The following PXDNL variants were observed in gnomAD, a reference collection of about 807,000 sequenced individuals.
PXDNL encodes peroxidasin like, also known as probable oxidoreductase PXDNL.
A neutral mutation model predicts 150.8 loss-of-function variants in PXDNL; 145 were observed. That is an observed-to-expected ratio of 0.96 (90% CI 0.84 to 1.10). The LOEUF (loss-of-function observed/expected upper bound fraction) is 1.10, where lower values mean the gene tolerates loss of function less well. PXDNL is among the 50% of genes least tolerant of loss of function. The pLI is 0.00. For synonymous variants in PXDNL, 757 were observed against 725.7 expected, an observed-to-expected ratio of 1.04 and a Z score of -0.69; for missense variants, 2,087 against 1,873.9, an observed-to-expected ratio of 1.11 and a Z score of -2.10.
intron 2 of PXDNL, among the ~76,000 whole-genome samples, chr8:51,627,971 A>G (rs1418362232): frequency 1.3e-5 from 2 of 152,230 alleles, no homozygotes; most frequent in African/African-American, 2.4e-5. Context: ...GCCATTCCTC[A>G]AAACCATTCT....
At chr8:51,386,813 G>C (rs1212889186) in intron 17 of PXDNL, among the ~76,000 whole-genome samples, 4 of 147,628 alleles carry the variant, frequency 2.7e-5, no homozygotes. Flanking sequence ...GACAGAGCAA[G>C]ACTTCATCTT....
At chr8:51,395,584 G>A (rs1232947698) in intron 17 of PXDNL, among the ~76,000 whole-genome samples, 1 of 152,088 alleles carries the variant, frequency 6.6e-6, no homozygotes, top group Non-Finnish European at 1.5e-5. Context: ...AGTATATATT[G>A]AATTGAAAAA....
intron 17 of PXDNL, among the ~76,000 whole-genome samples, chr8:51,405,283 C>T (rs1490703562): frequency 6.6e-6 from 1 of 152,178 alleles, no homozygotes; most frequent in African/African-American, 2.4e-5. Context: ...GTACCGAGGC[C>T]GAGGAGGTGC....
intron 1 of PXDNL, among the ~76,000 whole-genome samples, chr8:51,780,297 A>G (rs981371480): frequency 3.3e-5 from 5 of 152,202 alleles, no homozygotes; most frequent in Non-Finnish European, 5.9e-5. Flanking sequence ...TGCATGCACA[A>G]TAAAGTTTGA....
chr8:51,399,952 G>C (rs1563392487), intron 17 of PXDNL, among the ~76,000 whole-genome samples: 1 of 152,144 alleles, frequency 6.6e-6, no homozygotes, highest in Non-Finnish European at 1.5e-5. Flanking sequence ...GTTAGATTTT[G>C]ATAATATAAT....
intron 12 of PXDNL, among the ~76,000 whole-genome samples, chr8:51,428,599 A>C (rs988845733): frequency 6.6e-6 from 1 of 152,232 alleles, no homozygotes; most frequent in African/African-American, 2.4e-5. Context: ...ATGAAAGAGC[A>C]GAAGCAGTTC....
chr8:51,635,252 C>T (rs1287694993), intron 2 of PXDNL, among the ~76,000 whole-genome samples: 1 of 152,076 alleles, frequency 6.6e-6, no homozygotes, highest in African/African-American at 2.4e-5. Flanking sequence ...AAATTTATAA[C>T]TGTAAAGGCC....
chr8:51,734,204 T>G (rs1033011398), intron 1 of PXDNL, among the ~76,000 whole-genome samples: 2 of 152,318 alleles, frequency 1.3e-5, no homozygotes, highest in African/African-American at 4.8e-5. Context: ...AGCTCCAAAA[T>G]TTTTTATTTT....
At chr8:51,554,093 G>C (rs987971467) in intron 4 of PXDNL, among the ~76,000 whole-genome samples, 3 of 152,110 alleles carry the variant, frequency 2.0e-5, no homozygotes, top group African/African-American at 7.2e-5. Flanking sequence ...TTACCAATAA[G>C]TTTAAAGACT....
chr8:51,712,153 G>A (rs1268296167), intron 1 of PXDNL, among the ~76,000 whole-genome samples: 1 of 152,184 alleles, frequency 6.6e-6, no homozygotes, highest in Non-Finnish European at 1.5e-5. Context: ...TCTGGGTGTG[G>A]TAACATGGTA....
At chr8:51,322,695 C>T (rs1428081826) in intron 21 of PXDNL, among the ~76,000 whole-genome samples, 1 of 152,014 alleles carries the variant, frequency 6.6e-6, no homozygotes, top group Non-Finnish European at 1.5e-5. Context: ...AAGAGGAGAA[C>T]CCAAAAAATC....
chr8:51,436,178 C>A, intron 12 of PXDNL: 1 of 520,220 alleles, frequency 1.9e-6, no homozygotes, highest in South Asian at 1.4e-5. Flanking sequence ...TTTAGTACAC[C>A]GTGGTATCAT....
At chr8:51,482,536 G>T (rs1189009392) in intron 6 of PXDNL, among the ~76,000 whole-genome samples, 1 of 151,860 alleles carries the variant, frequency 6.6e-6, no homozygotes, top group Non-Finnish European at 1.5e-5. Flanking sequence ...AGATTTGGGA[G>T]GGGCCAGGGG....
Position 51,372,015 on chromosome 8 carries a change from C to T in PXDNL, c.3759G>A (p.Leu1253=). ...AQLTQLKQAS[L]SRVLCDNGDS... ...CACCATTGTCACAAAGCACCCGGCT[C>T]AGGGACGCCTGCTTCAGCTGAGTGA... The change falls in exon 19 of 23, where the codon CTG becomes CTA. Residue 1253 remains leucine (L), a synonymous_variant. Transcript: ENST00000356297. The T allele has an allele frequency of 6.2e-7, 1 of 1,612,534 alleles. No individual in the cohort carries two copies. Among genetic ancestry groups the T allele is most frequent in the Non-Finnish European group, 8.5e-7 (1 of 1,179,270 alleles).
rs1806150844 is a variant in PXDNL, at chr8:51,346,148, T to C, written c.3902-201A>G. On this transcript the variant is annotated intron_variant, in intron 19 of 22. Transcript: ENST00000356297. ...ATACCTGCTTTTGCATGTCACTGAA[T>C]CTCTGTTTTGCAGCAGCAAGTGGGA... 2.0e-5 allele frequency among the ~76,000 whole-genome samples: 3 copies of C among 152,332 alleles called. No homozygotes were observed. In the South Asian group the frequency reaches 6.2e-4, roughly 32 times the overall value.
chr8:51,595,642 C>A (rs1283171400), intron 2 of PXDNL, among the ~76,000 whole-genome samples: 2 of 151,988 alleles, frequency 1.3e-5, no homozygotes, highest in African/African-American at 4.8e-5. Flanking sequence ...CTGTGCGTAC[C>A]AAAGTAAACA....
intron 2 of PXDNL, among the ~76,000 whole-genome samples, chr8:51,653,510 G>GCATGTC (rs1815083698): frequency 6.6e-6 from 1 of 152,160 alleles, no homozygotes; most frequent in Admixed American, 6.5e-5. Flanking sequence ...CTAGGAATTT[G>GCATGTC]CATGTCCACA....
intron 1 of PXDNL, among the ~76,000 whole-genome samples, chr8:51,698,073 G>A (rs1457428994): frequency 6.6e-6 from 1 of 152,196 alleles, no homozygotes; most frequent in Non-Finnish European, 1.5e-5. Flanking sequence ...TTTTGCTGGT[G>A]GAGAGTTTTG....
intron 3 of PXDNL, among the ~76,000 whole-genome samples, chr8:51,572,880 T>C (rs1273097961): frequency 1.3e-5 from 2 of 151,922 alleles, no homozygotes; most frequent in East Asian, 3.9e-4. Context: ...CTAGAAATCT[T>C]GGACATTACA....
Sources: gnomAD v4.1 joint callset for allele counts (sites outside exome capture counted in the v4.1 genomes callset) on GRCh38, gnomAD v4.1.1 for gene constraint, MANE v1.5 for transcripts, NCBI Gene and HGNC (gene_info 2026-07-23, HGNC 2026-07-21) for gene names.